Variants in CYTH2 observed in about 807,000 individuals in gnomAD.
CYTH2 encodes the protein cytohesin 2.
A neutral mutation model predicts 55.4 loss-of-function variants in CYTH2; 24 were observed. That is an observed-to-expected ratio of 0.43 (90% CI 0.31 to 0.61). The LOEUF is 0.61. Ranked by LOEUF, CYTH2 falls within the 20% of genes least tolerant of loss-of-function variation. The pLI is 0.08. For synonymous variants in CYTH2, 221 were observed against 209.6 expected (o/e 1.05, Z -0.47); for missense variants, 378 against 533.5 (o/e 0.71, Z 2.87).
rs780630919 is a variant in CYTH2 at position 48,479,192 on chromosome 19, G to A, written c.1182G>A (p.Lys394=). The change falls in exon 12 of 12, where the codon AAG becomes AAA. Residue 394 remains lysine (K), a synonymous_variant. Coordinates refer to ENST00000452733, the MANE Select transcript of CYTH2 (RefSeq NM_004228.7). ...GAAAGAAGCGGATTTCAGTCAAGAA[G>A]AAGCAGGAGCAGCCCTGACCCCCTG... ...AARKKRISVK[K]KQEQP The A allele has an allele frequency of 3.2e-5, 51 of 1,614,078 alleles. No individual in the cohort carries two copies. The East Asian group carries it at 7.1e-4, about 23-fold the overall frequency.
intron 11 of CYTH2, 143 bp downstream of exon 11, chr19:48,478,735 G>A (rs1601029364): frequency 6.6e-6 from 6 of 914,964 alleles, no homozygotes; most frequent in Admixed American, 3.0e-5. Flanking sequence ...CGGAGGAGGG[G>A]CTGGGGCCTG....
Position 48,469,520 on chromosome 19 carries a change from G to A in CYTH2, c.13G>A (p.Val5Ile), listed in dbSNP as rs1601017803. 2.3e-6 allele frequency: 3 copies of A among 1,330,730 alleles called. No individual in the cohort carries two copies. The highest frequency in any genetic ancestry group is 3.1e-5 in the East Asian group (1 of 32,260). 82.4% of individuals were successfully genotyped at this position (1,330,730 alleles called of 1,614,324 possible). ...CTTCCTAGCCGCCATGGAGGACGGC[G>A]TCTATGGTAGGTCGGGGAGGGGCGG... is the stretch of plus-strand genomic sequence containing the variant. MEDG[V>I]YEPPDLTPEE... is the part of the protein sequence containing the mutation. Residue 5 changes from valine (V) to isoleucine (I), a missense_variant, in exon 1 of 12, where the codon GTC (valine) becomes ATC (isoleucine). Coordinates refer to ENST00000452733, the MANE Select transcript of CYTH2 (RefSeq NM_004228.7).
At position 48,473,646 on chromosome 19, in the gene CYTH2, C is replaced by T. The variant is rs144646394; in HGVS notation, c.435-259C>T. ...GTGTCAGCATTGCTCTCTGCAGACC[C>T]GCTTACCTGATAACAAGCCTCAACC... On this transcript the variant is annotated intron_variant, in intron 5 of 11. Transcript: ENST00000452733. 577 of 595,258 alleles carry T rather than the reference C, an allele frequency of 9.7e-4. 4 individuals are homozygous for T. The highest frequency in any genetic ancestry group is 8.7e-3 in the African/African-American group (469 of 53,892). 36.9% of individuals were successfully genotyped at this position (595,258 alleles called of 1,614,324 possible).
intron 4 of CYTH2, chr19:48,472,872 G>A: frequency 3.1e-6 from 1 of 327,134 alleles, no homozygotes; most frequent in East Asian, 7.8e-5. Flanking sequence ...GCACAGGACT[G>A]GACATCAGAT....
In CYTH2 at chr19:48,478,163, C is replaced by A; in HGVS notation, c.885+18C>A. ...ACACCACGGTGAGCGTGACCCGACC[C>A]GGGCTCTGGGGTCCTGGGCGGAGTG... On this transcript the variant is annotated intron_variant, in intron 9 of 11. Transcript: ENST00000452733. 1 of 1,613,502 alleles carries A rather than the reference C, an allele frequency of 6.2e-7. No individual in the cohort carries two copies. Among genetic ancestry groups the A allele is most frequent in the Non-Finnish European group, 8.5e-7 (1 of 1,179,548 alleles).
At chr19:48,478,861 C>T (rs1156759847) in intron 11 of CYTH2, among the ~76,000 whole-genome samples, 12 of 144,536 alleles carry the variant, frequency 8.3e-5, no homozygotes, top group Admixed American at 2.1e-4. Flanking sequence ...GCCTGGACTC[C>T]TGGGTCTGAC....
At position 48,474,171 on chromosome 19, in the gene CYTH2, GT is replaced by G; in HGVS notation, c.548-10del. 6.3e-7 allele frequency: 1 copy of G among 1,581,794 alleles called. No homozygotes were observed. Among genetic ancestry groups the G allele is most frequent in the South Asian group, 1.2e-5 (1 of 85,426 alleles). On this transcript the variant is annotated splice_polypyrimidine_tract_variant and intron_variant, in intron 6 of 11. Coordinates refer to ENST00000452733, the MANE Select transcript of CYTH2 (RefSeq NM_004228.7). This position sits in a 1 kb window ranked among gnomAD's most constrained non-coding sequence, Gnocchi z 4.9. ...TGCCTGGGTCGTCACCACCTGCCCT[GT>G]CCGGTGCAGACACGTGCTATGTGCT...
intron 4 of CYTH2, 147 bp from the exon 5 acceptor site, chr19:48,473,151 T>C: frequency 1.3e-6 from 1 of 786,588 alleles, no homozygotes; most frequent in Non-Finnish European, 2.1e-6. Flanking sequence ...GGGGCAGGCC[T>C]GTGTGGGAGT....
rs145469038 is a variant in CYTH2 at position 48,473,513 on chromosome 19, C to T, written c.434+135C>T. ...ACAAAAACTAGGGAACTGAGTGTGT[C>T]CTGCACCATAAAAGTTCAGGGTTAT... On this transcript the variant is annotated intron_variant, in intron 5 of 11. Coordinates refer to ENST00000452733, the MANE Select transcript of CYTH2 (RefSeq NM_004228.7). 6.5e-3 allele frequency: 5,550 copies of T among 854,404 alleles called. 32 individuals are homozygous for T. Among genetic ancestry groups the T allele is most frequent in the South Asian group, 0.01 (648 of 63,952 alleles). The allele number at this position is 854,404 out of a possible 1,614,324, so 52.9% of individuals were successfully genotyped here.
At position 48,474,202 on chromosome 19, in the gene CYTH2, T is replaced by C; in HGVS notation, c.568T>C (p.Phe190Leu). The change falls in exon 7 of 12, where the codon TTC (phenylalanine) becomes CTC (leucine). Residue 190 changes from phenylalanine to leucine, a missense_variant. Physicochemically the swap from Phe to Leu is conservative, Grantham distance 22. Coordinates refer to ENST00000452733, the MANE Select transcript of CYTH2 (RefSeq NM_004228.7). This position sits in a 1 kb window ranked among gnomAD's most constrained non-coding sequence, Gnocchi z 4.9. ...QSTDTCYVLS[F>L]AVIMLNTSLH... ...TGCAGACACGTGCTATGTGCTGTCC[T>C]TCGCCGTCATCATGCTCAACACCAG... is the stretch of plus-strand genomic sequence containing the variant. 1.9e-6 allele frequency: 3 copies of C among 1,605,888 alleles called. No individual in the cohort carries two copies. The highest frequency in any genetic ancestry group is 2.6e-6 in the Non-Finnish European group (3 of 1,175,706).
chr19:48,472,981 G>C (rs1569088955), intron 4 of CYTH2: 1 of 355,146 alleles, frequency 2.8e-6, no homozygotes, highest in Non-Finnish European at 5.3e-6. Flanking sequence ...TGGGGGCTGT[G>C]TCTGGATACC....
chr19:48,472,711 T>G lies in CYTH2; in HGVS notation c.353+268T>G, dbSNP rs544950119. On this transcript the variant is annotated intron_variant, in intron 4 of 11. Transcript: ENST00000452733. ...AGCATCCATTTATGTCTGAGAAGGG[T>G]AGAGAACATCTCTCAAGGATCATGG... The G allele has an allele frequency of 1.0e-5, 5 of 499,204 alleles. No individual in the cohort carries two copies. In the East Asian group the frequency reaches 1.6e-4, roughly 16 times the overall value. The allele number at this position is 499,204 out of a possible 1,614,324, so 30.9% of individuals were successfully genotyped here.
intron 4 of CYTH2, 47 bp downstream of exon 4, chr19:48,472,490 C>G: frequency 6.8e-7 from 1 of 1,464,354 alleles, no homozygotes; most frequent in Non-Finnish European, 9.4e-7. Flanking sequence ...TCCCACCCCC[C>G]AGACCCAGCT....
Position 48,473,371 on chromosome 19 carries a change from G to A in CYTH2, c.427G>A (p.Ala143Thr). 1 of 1,614,086 alleles carries A rather than the reference G, an allele frequency of 6.2e-7. No homozygotes were observed. Among genetic ancestry groups the A allele is most frequent in the Non-Finnish European group, 8.5e-7 (1 of 1,179,976 alleles). The part of the protein sequence containing the change: ...HEFTDLNLVQ[A>T]LRQFLWSFRL... ...GTTCACCGACCTCAATCTGGTGCAG[G>A]CCCTCAGGTGAGTGAGGGGGAGGGG... is the stretch of plus-strand genomic sequence containing the variant. Residue 143 changes from alanine to threonine, a missense_variant, in exon 5 of 12, where the codon GCC becomes ACC. Coordinates refer to ENST00000452733, the MANE Select transcript of CYTH2 (RefSeq NM_004228.7).
intron 8 of CYTH2, chr19:48,476,003 G>A (rs781695963): frequency 1.2e-5 from 6 of 519,486 alleles, no homozygotes; most frequent in Non-Finnish European, 2.3e-5. Context: ...AGTGAAGGGA[G>A]TCAAGGTCAG....
rs1352996879 is a variant in CYTH2 at position 48,470,449 on chromosome 19, A to C, written c.116A>C (p.Glu39Ala). Reference sequence around the variant, plus strand: ...GTGGAGATTCAGCGCCTGCGGGAGGAGCTCAGTGAAGCCATGAGCGAGGTG... The same window carrying C: ...GTGGAGATTCAGCGCCTGCGGGAGGCGCTCAGTGAAGCCATGAGCGAGGTG... ...LLVEIQRLREELSEAMSEVEG... is the reference protein window; with the variant it reads ...LLVEIQRLREALSEAMSEVEG... The change falls in exon 2 of 12, where the codon GAG (glutamate) becomes GCG (alanine). Residue 39 changes from glutamate to alanine, a missense_variant. Coordinates refer to ENST00000452733, the MANE Select transcript of CYTH2 (RefSeq NM_004228.7). The C allele has an allele frequency of 3.1e-6, 5 of 1,614,026 alleles. No homozygotes were observed. Among genetic ancestry groups the C allele is most frequent in the Non-Finnish European group, 4.2e-6 (5 of 1,179,994 alleles).
At chr19:48,471,838 C>T (rs1971803458) in intron 3 of CYTH2, among the ~76,000 whole-genome samples, 2 of 152,154 alleles carry the variant, frequency 1.3e-5, no homozygotes, top group South Asian at 4.1e-4. Flanking sequence ...TTGCTTGAAG[C>T]CAGGAATTTG....
rs954288832 is a variant in CYTH2 at position 48,480,648 on chromosome 19, T to C, written c.*1438T>C. 1.1e-4 allele frequency: 16 copies of C among 152,064 alleles called. No individual in the cohort carries two copies. The highest frequency in any genetic ancestry group is 3.6e-4 in the African/African-American group (15 of 41,382). The allele number at this position is 152,064 out of a possible 1,614,324, so 9.4% of individuals were successfully genotyped here. On this transcript the variant is annotated 3_prime_UTR_variant, in exon 12 of 12. Coordinates refer to ENST00000452733, the MANE Select transcript of CYTH2 (RefSeq NM_004228.7). The stretch of plus-strand genomic sequence containing the variant: ...TTTTTCTTAGTCAGATCCCGTACTT[T>C]TGTGGAGGGTAGAGGAGGCTTTGAC...
At chr19:48,473,433 TA>T (rs1971844401) in intron 5 of CYTH2, 55 bp downstream of exon 5, 1 of 1,559,538 alleles carries the variant, frequency 6.4e-7, no homozygotes, top group African/African-American at 1.4e-5. Flanking sequence ...AGGGCCTTCC[TA>T]GTTACAAGTG....
Sources: gnomAD v4.1 joint callset for allele counts (sites outside exome capture counted in the v4.1 genomes callset) on GRCh38, gnomAD v4.1.1 for gene constraint, Gnocchi (gnomAD v3.1) non-coding constraint, MANE v1.5 for transcripts, NCBI Gene and HGNC (gene_info 2026-07-23, HGNC 2026-07-21) for gene names.